Variants in SMARCA2 observed in about 807,000 individuals in gnomAD.
The protein encoded by SMARCA2 is SWI/SNF related BAF chromatin remodeling complex subunit ATPase 2, also known as SWI/SNF-related matrix-associated actin-dependent regulator of chromatin subfamily A member 2.
Under a neutral mutation model 199.8 loss-of-function variants are expected in SMARCA2, and 61 were observed. The observed-to-expected ratio is 0.31, with a 90% CI of 0.25 to 0.38. SMARCA2 has a LOEUF of 0.38. Among genes scored for constraint, SMARCA2 ranks in the 10% least tolerant of loss-of-function variants. The pLI, the probability that SMARCA2 is intolerant of heterozygous loss-of-function variation, is 1.00. For synonymous variants in SMARCA2, 935 were observed against 732.0 expected, an observed-to-expected ratio of 1.28 and a Z score of -4.48; for missense variants, 1,344 against 2,012.2, an observed-to-expected ratio of 0.67 and a Z score of 6.35.
Position 2,134,342 on chromosome 9 carries a change from T to G in SMARCA2, c.3981+10405T>G, listed in dbSNP as rs192137916. ...TGTACTCATTCAGCCATTAAGTCTC[T>G]TTACCCTGGTTTTTACCTAGGTGCA... On this transcript the variant is annotated intron_variant, in intron 27 of 33. Coordinates refer to ENST00000349721, the MANE Select transcript of SMARCA2 (RefSeq NM_003070.5). Among the ~76,000 whole-genome samples the G allele has an allele frequency of 4.0e-3, 604 of 152,330 alleles. 14 individuals are homozygous for G. The East Asian group carries it at 0.054, about 14-fold the overall frequency.
At position 2,058,331 on chromosome 9, in the gene SMARCA2, A is replaced by G. The variant is rs777703083; in HGVS notation, c.1388A>G (p.Lys463Arg). 4 of 1,614,234 alleles carry G rather than the reference A, an allele frequency of 2.5e-6. No individual in the cohort carries two copies. Among genetic ancestry groups the G allele is most frequent in the African/African-American group, 2.7e-5 (2 of 75,062 alleles). Residue 463 changes from lysine (K) to arginine (R), a missense_variant, in exon 8 of 34, where the codon AAG (lysine) becomes AGG (arginine). This residue lies in a region of SMARCA2 where 155 missense variants were observed against 260.0 expected (regional missense o/e 0.60). Transcript: ENST00000349721. ...NSILQHAKDF[K>R]EYHRSVAGKI... ...ATTTTGCAACATGCAAAAGATTTTAAGGAATATCATCGGTCTGTGGCCGGA... is the reference window on the plus strand; with the variant it reads ...ATTTTGCAACATGCAAAAGATTTTAGGGAATATCATCGGTCTGTGGCCGGA...
chr9:2,073,034 A>G, intron 10 of SMARCA2, 178 bp from the exon 11 acceptor site: 3 of 641,156 alleles, frequency 4.7e-6, no homozygotes, highest in Non-Finnish European at 7.9e-6. Context: ...CAGCATTTTC[A>G]GTTTCTTTAG....
At chr9:2,184,019 A>C (rs150286918) in intron 31 of SMARCA2, among the ~76,000 whole-genome samples, 84 of 152,222 alleles carry the variant, frequency 5.5e-4, no homozygotes, top group Admixed American at 2.1e-3. Flanking sequence ...CTGGACACTA[A>C]TTTGTCTTTC....
At chr9:2,050,080 A>G (rs897445598) in intron 5 of SMARCA2, among the ~76,000 whole-genome samples, 1 of 152,212 alleles carries the variant, frequency 6.6e-6, no homozygotes, top group Non-Finnish European at 1.5e-5. Context: ...TTTAACGTTT[A>G]AGTCAGTTGG....
chr9:2,174,616 C>T (rs2129776548), intron 29 of SMARCA2, among the ~76,000 whole-genome samples: 1 of 152,140 alleles, frequency 6.6e-6, no homozygotes. Flanking sequence ...AGCATTTTAC[C>T]ATTAAGAAAT....
chr9:2,099,734 A>G (rs1822426855), intron 21 of SMARCA2, among the ~76,000 whole-genome samples: 1 of 152,172 alleles, frequency 6.6e-6, no homozygotes, highest in African/African-American at 2.4e-5. Flanking sequence ...CGTTTGCCAC[A>G]CACCCTTTGT....
At chr9:2,048,933 G>A (rs1369932309) in intron 5 of SMARCA2, among the ~76,000 whole-genome samples, 2 of 152,132 alleles carry the variant, frequency 1.3e-5, no homozygotes, top group East Asian at 3.8e-4. Context: ...TTTTTAAAAA[G>A]CTAAAAGTAT....
chr9:2,076,276 C>T lies in SMARCA2; in HGVS notation c.1983C>T (p.Leu661=). The T allele has an allele frequency of 1.2e-6, 2 of 1,612,992 alleles. No homozygotes were observed. The highest frequency in any genetic ancestry group is 1.7e-6 in the Non-Finnish European group (2 of 1,178,992). ...SSRQETEEKI[L]LDPNSEEVSE... ...GGCAGGAAACCGAAGAGAAAATACT[C>T]CTGGATCCAAATAGCGAAGAAGTTT... is the stretch of plus-strand genomic sequence containing the variant. Residue 661 remains leucine (L), a synonymous_variant, in exon 13 of 34, where the codon CTC becomes CTT. Coordinates refer to ENST00000349721, the MANE Select transcript of SMARCA2 (RefSeq NM_003070.5).
intron 27 of SMARCA2, among the ~76,000 whole-genome samples, chr9:2,157,098 A>C (rs978477554): frequency 6.6e-6 from 1 of 152,226 alleles, no homozygotes; most frequent in Admixed American, 6.5e-5. Flanking sequence ...TAAACCGATT[A>C]AAATAACGTA....
Position 2,047,432 on chromosome 9 carries a change from C to G in SMARCA2, c.994C>G (p.Gln332Glu). 1 of 1,586,080 alleles carries G rather than the reference C, an allele frequency of 6.3e-7. No individual in the cohort carries two copies. The highest frequency in any genetic ancestry group is 1.1e-5 in the South Asian group (1 of 88,182). Residue 332 changes from glutamine (Q) to glutamate (E), a missense_variant, in exon 5 of 34, where the codon CAG (glutamine) becomes GAG (glutamate). Gln to Glu is a conservative substitution (Grantham distance 29). This residue lies in a region of SMARCA2 where 155 missense variants were observed against 260.0 expected (regional missense o/e 0.60). Transcript: ENST00000349721. The part of the protein sequence containing the change: ...QQKQSRISPI[Q>E]KPQGLDPVEI... Reference sequence around the variant, plus strand: ...GAAGCAGAGCCGCATCAGCCCCATCCAGAAACCGCAAGGCCTGGACCCCGT... The same window carrying G: ...GAAGCAGAGCCGCATCAGCCCCATCGAGAAACCGCAAGGCCTGGACCCCGT...
rs1823372570 is a variant in SMARCA2, at chr9:2,119,735, TC to T, written c.3762+203del. On this transcript the variant is annotated intron_variant, in intron 26 of 33. Coordinates refer to ENST00000349721, the MANE Select transcript of SMARCA2 (RefSeq NM_003070.5). This position sits in a 1 kb window ranked among gnomAD's most constrained non-coding sequence, Gnocchi z 4.6. The stretch of plus-strand genomic sequence containing the variant: ...GGCCCACGCAGCGTTTTTTAAAATT[TC>T]CCATTCATTGCCAACATAAAAAAGA... Among the ~76,000 whole-genome samples, 2 of 152,188 alleles carry T rather than the reference TC, an allele frequency of 1.3e-5. No individual in the cohort carries two copies. Among genetic ancestry groups the T allele is most frequent in the Admixed American group, 1.3e-4 (2 of 15,276 alleles).
At chr9:2,087,450 C>G (rs184103219) in intron 18 of SMARCA2, 100 of 171,354 alleles carry the variant, frequency 5.8e-4, no homozygotes, top group African/African-American at 2.3e-3. Context: ...ACAAATCTTT[C>G]CTTGTTACAA....
intron 27 of SMARCA2, among the ~76,000 whole-genome samples, chr9:2,147,121 C>CAGT (rs1351832085): frequency 6.6e-6 from 1 of 151,604 alleles, no homozygotes; most frequent in Non-Finnish European, 1.5e-5. Flanking sequence ...CTGAGTAGTG[C>CAGT]AGTAGCTCAT....
chr9:2,192,850 C>A lies in SMARCA2; in HGVS notation c.*111C>A. 2 of 773,526 alleles carry A rather than the reference C, an allele frequency of 2.6e-6. No individual in the cohort carries two copies. The highest frequency in any genetic ancestry group is 4.6e-6 in the Non-Finnish European group (2 of 436,254). The allele number at this position is 773,526 out of a possible 1,614,324, so 47.9% of individuals were successfully genotyped here. ...CACTGGGTTGTTTCTATATCATCAT[C>A]GTCTATAAACTAGCTTTAGGATAGT... is the stretch of plus-strand genomic sequence containing the variant. On this transcript the variant is annotated 3_prime_UTR_variant, in exon 34 of 34. Coordinates refer to ENST00000349721, the MANE Select transcript of SMARCA2 (RefSeq NM_003070.5).
At position 2,182,109 on chromosome 9, in the gene SMARCA2, TTTTTCTCCA is replaced by T. The variant is rs761372162; in HGVS notation, c.4360-22_4360-14del. ...ATCGCTGAATTTTCCTCTCCCTCTT[TTTTTCTCCA>T]TTTTCTCCAAAATTTCCATCAGGAA... On this transcript the variant is annotated intron_variant, in intron 30 of 33. Coordinates refer to ENST00000349721, the MANE Select transcript of SMARCA2 (RefSeq NM_003070.5). 1.1e-5 allele frequency: 15 copies of T among 1,395,194 alleles called. No homozygotes were observed. The East Asian group carries it at 3.2e-4, about 30-fold the overall frequency. The allele number at this position is 1,395,194 out of a possible 1,614,324, so 86.4% of individuals were successfully genotyped here.
rs1825332465 is a variant in SMARCA2, at chr9:2,155,825, T to A, written c.3982-5861T>A. ...CACTGTACCAGAAATTCAGTTAAGC[T>A]GAGGCTCAATTTTCTTCCCCTTTAT... On this transcript the variant is annotated intron_variant, in intron 27 of 33. Transcript: ENST00000349721. Among the ~76,000 whole-genome samples the A allele has an allele frequency of 3.5e-5, 5 of 144,814 alleles. No homozygotes were observed. In the South Asian group the frequency reaches 1.2e-3, roughly 34 times the overall value.
At chr9:2,132,639 C>G (rs1026185944) in intron 27 of SMARCA2, among the ~76,000 whole-genome samples, 1 of 152,080 alleles carries the variant, frequency 6.6e-6, no homozygotes, top group Non-Finnish European at 1.5e-5. Flanking sequence ...ATCAGATTTA[C>G]TGGGGCAAAA....
At chr9:2,168,155 G>C (rs1167176856) in intron 28 of SMARCA2, among the ~76,000 whole-genome samples, 4 of 151,890 alleles carry the variant, frequency 2.6e-5, no homozygotes, top group African/African-American at 9.7e-5. Context: ...GGGATTATGG[G>C]CGTGCACCAC....
intron 27 of SMARCA2, among the ~76,000 whole-genome samples, chr9:2,150,281 C>T (rs990671141): frequency 6.6e-6 from 1 of 151,666 alleles, no homozygotes; most frequent in Non-Finnish European, 1.5e-5. Context: ...TGGACATGTT[C>T]TTTCACACCT....
Sources: gnomAD v4.1 joint callset for allele counts (sites outside exome capture counted in the v4.1 genomes callset) on GRCh38, gnomAD v4.1.1 for gene constraint, gnomAD v4.1.1 regional missense constraint, Gnocchi (gnomAD v3.1) non-coding constraint, MANE v1.5 for transcripts, NCBI Gene and HGNC (gene_info 2026-07-23, HGNC 2026-07-21) for gene names.